APBA2: variants seen among roughly 807,000 people sequenced by gnomAD.
APBA2 encodes amyloid beta precursor protein binding family A member 2, also known as amyloid-beta A4 precursor protein-binding family A member 2.
APBA2 carries 30 observed loss-of-function variants against 75.0 expected under a neutral mutation model. The ratio of observed to expected loss-of-function variants is 0.40; its 90% confidence interval spans 0.30 to 0.54. The LOEUF is 0.54. APBA2 is among the 20% of genes least tolerant of loss of function. The pLI, the probability that APBA2 is intolerant of heterozygous loss-of-function variation, is 0.49. For missense variants in APBA2, 801 were observed against 1,016.1 expected, an observed-to-expected ratio of 0.79 and a Z score of 2.88; for synonymous variants, 444 against 409.6, an observed-to-expected ratio of 1.08 and a Z score of -1.01.
At chr15:28,896,506 G>C (rs2032499727) in intron 1 of APBA2, among the ~76,000 whole-genome samples, 1 of 152,182 alleles carries the variant, frequency 6.6e-6, no homozygotes, top group African/African-American at 2.4e-5. Flanking sequence ...GTCTTGATCT[G>C]CTGACCTCAT....
intron 2 of APBA2, among the ~76,000 whole-genome samples, chr15:28,944,345 G>A (rs78145642): frequency 1.3e-5 from 2 of 152,110 alleles, no homozygotes. Context: ...CCAGAAAATT[G>A]CTCCGGCCCT....
In APBA2 at chr15:29,091,314, G is replaced by A. The variant is rs560440464; in HGVS notation, c.1070-1761G>A. ...TGGGGAGAGACGGCTGGGAGCACAGGTGATCCTCTGACCCCAGGGGCACGC... is the reference window on the plus strand; with the variant it reads ...TGGGGAGAGACGGCTGGGAGCACAGATGATCCTCTGACCCCAGGGGCACGC... On this transcript the variant is annotated intron_variant, in intron 6 of 14. Transcript: ENST00000683413. Among the ~76,000 whole-genome samples the A allele has an allele frequency of 1.8e-4, 27 of 152,246 alleles. No individual in the cohort carries two copies. In the South Asian group the frequency reaches 5.6e-3, roughly 32 times the overall value.
intron 1 of APBA2, among the ~76,000 whole-genome samples, chr15:28,896,343 G>T (rs1236154216): frequency 6.6e-6 from 1 of 152,212 alleles, no homozygotes; most frequent in East Asian, 1.9e-4. Context: ...GCAGTGGCAC[G>T]ATCTCAGCTC....
intron 3 of APBA2, among the ~76,000 whole-genome samples, chr15:29,045,927 G>A (rs749742814): frequency 2.6e-5 from 4 of 152,134 alleles, no homozygotes; most frequent in Admixed American, 1.3e-4. Flanking sequence ...TCATATCTCC[G>A]GCTCTCTCCT....
intron 2 of APBA2, among the ~76,000 whole-genome samples, chr15:28,972,137 A>G (rs2037101829): frequency 6.6e-6 from 1 of 152,236 alleles, no homozygotes; most frequent in Non-Finnish European, 1.5e-5. Flanking sequence ...AAGGTTCCCC[A>G]AAGGGATAGT....
At chr15:28,962,089 G>A (rs114959687) in intron 2 of APBA2, among the ~76,000 whole-genome samples, 2,113 of 152,044 alleles carry the variant, frequency 0.014, 64 homozygotes, top group African/African-American at 0.048. Context: ...ATCTATCGTC[G>A]TGAACTCCTG....
rs370056600 is a variant in APBA2 at position 29,108,220 on chromosome 15, G to A, written c.1918-50G>A. 259 of 1,612,076 alleles carry A rather than the reference G, an allele frequency of 1.6e-4. 2 individuals are homozygous for A. The Middle Eastern group carries it at 6.0e-3, about 37-fold the overall frequency. On this transcript the variant is annotated intron_variant, in intron 12 of 14. Coordinates refer to ENST00000683413, the MANE Select transcript of APBA2 (RefSeq NM_001353788.2). Reference sequence around the variant, plus strand: ...TGCCAGCCTCGCTCATCCTGGGTCAGGCTTGATGTCTAAGGCCCAGCCTGT... The same window carrying A: ...TGCCAGCCTCGCTCATCCTGGGTCAAGCTTGATGTCTAAGGCCCAGCCTGT...
At chr15:28,971,411 G>A (rs1047789105) in intron 2 of APBA2, among the ~76,000 whole-genome samples, 2 of 152,156 alleles carry the variant, frequency 1.3e-5, no homozygotes, top group African/African-American at 4.8e-5. Context: ...AGGATACAGG[G>A]TTTCAGGGCC....
chr15:29,114,858 CG>C (rs2044983171), intron 14 of APBA2, among the ~76,000 whole-genome samples: 1 of 141,522 alleles, frequency 7.1e-6, no homozygotes, highest in African/African-American at 2.6e-5. Context: ...TGTAGGAGTG[CG>C]AGTGTGGGTG....
At chr15:29,066,490 C>T (rs1280526615) in intron 4 of APBA2, among the ~76,000 whole-genome samples, 1 of 152,150 alleles carries the variant, frequency 6.6e-6, no homozygotes, top group Non-Finnish European at 1.5e-5. Context: ...ACTTCTGAGG[C>T]ACCCACAGTA....
intron 6 of APBA2, among the ~76,000 whole-genome samples, chr15:29,078,849 A>G (rs1339157604): frequency 6.6e-6 from 1 of 152,152 alleles, no homozygotes; most frequent in African/African-American, 2.4e-5. Flanking sequence ...TCCCCTTGAC[A>G]TTAGGAAAGC....
chr15:29,082,538 G>A (rs1246934803), intron 6 of APBA2, among the ~76,000 whole-genome samples: 1 of 152,260 alleles, frequency 6.6e-6, no homozygotes, highest in Admixed American at 6.5e-5. Context: ...GGGAATTTGG[G>A]TGTTTCTTAT....
At chr15:29,093,030 G>A (rs757271043) in intron 6 of APBA2, 45 bp from the exon 7 acceptor site, 8 of 1,613,160 alleles carry the variant, frequency 5.0e-6, no homozygotes, top group Non-Finnish European at 6.8e-6. Flanking sequence ...CTTTGTTCAG[G>A]GGACTTCTCC....
At chr15:28,938,238 A>G (rs2034989824) in intron 2 of APBA2, among the ~76,000 whole-genome samples, 1 of 151,986 alleles carries the variant, frequency 6.6e-6, no homozygotes, top group African/African-American at 2.4e-5. Context: ...TAACAACTCT[A>G]CTCTTTAAGT....
At chr15:29,043,412 C>G (rs372263764) in intron 3 of APBA2, among the ~76,000 whole-genome samples, 2 of 152,196 alleles carry the variant, frequency 1.3e-5, no homozygotes, top group East Asian at 1.9e-4. Context: ...GAAATGTCAC[C>G]TGACAGGTAT....
intron 2 of APBA2, among the ~76,000 whole-genome samples, chr15:28,986,002 C>T (rs140636455): frequency 2.8e-4 from 43 of 152,278 alleles, no homozygotes; most frequent in Non-Finnish European, 4.9e-4. Context: ...TGGTGCCCTC[C>T]CTGCCTCTCA....
intron 12 of APBA2, 59 bp from the exon 13 acceptor site, chr15:29,108,211 C>T: frequency 1.2e-6 from 2 of 1,610,996 alleles, no homozygotes; most frequent in South Asian, 1.1e-5. Context: ...CCTCGCTCAT[C>T]CTGGGTCAGG....
At chr15:29,081,843 G>A (rs2043095971) in intron 6 of APBA2, among the ~76,000 whole-genome samples, 1 of 152,268 alleles carries the variant, frequency 6.6e-6, no homozygotes, top group African/African-American at 2.4e-5. Context: ...GCAGTGAACA[G>A]CCTTGTGGCT....
intron 4 of APBA2, among the ~76,000 whole-genome samples, chr15:29,067,875 GT>G (rs988004568): frequency 1.3e-5 from 2 of 152,124 alleles, no homozygotes; most frequent in African/African-American, 4.8e-5. Context: ...TTGAGACTAA[GT>G]TTTTTTCTTA....
Sources: allele counts gnomAD v4.1 joint callset (sites outside exome capture counted in the v4.1 genomes callset), GRCh38; gene constraint gnomAD v4.1.1; transcripts MANE v1.5; gene names NCBI Gene and HGNC (gene_info 2026-07-23, HGNC 2026-07-21).